The following HTR3B variants were observed in gnomAD, a reference collection of about 807,000 sequenced individuals.
HTR3B encodes the protein 5-hydroxytryptamine receptor 3B.
Under a neutral mutation model 42.8 loss-of-function variants are expected in HTR3B, and 44 were observed. That is an observed-to-expected ratio of 1.03 (90% CI 0.81 to 1.32). The LOEUF is 1.32. Among genes scored for constraint, HTR3B ranks in the 40% most tolerant of loss-of-function variants. The pLI, the probability that HTR3B is intolerant of heterozygous loss-of-function variation, is 0.00. For synonymous variants in HTR3B, 203 were observed against 209.0 expected (o/e 0.97, Z 0.25); for missense variants, 527 against 536.5 (o/e 0.98, Z 0.17).
intron 6 of HTR3B, among the ~76,000 whole-genome samples, chr11:113,934,623 T>C (rs1950072553): frequency 1.3e-5 from 2 of 152,138 alleles, no homozygotes; most frequent in Admixed American, 6.5e-5. Flanking sequence ...TGCTGGCTAG[T>C]ATAATCGCAA....
Position 113,909,456 on chromosome 11 carries a change from G to A in HTR3B, c.213+1G>A. ...GTTCGTCCATGCTATATTGGATGTG[G>A]TAAGGACCATCTTGCCCCTTCCTAT... On this transcript the variant is annotated splice_donor_variant, in intron 2 of 8. Transcript: ENST00000260191. LOFTEE classifies it high-confidence loss of function. The A allele has an allele frequency of 1.9e-6, 3 of 1,613,088 alleles. No homozygotes were observed. The highest frequency in any genetic ancestry group is 1.7e-6 in the Non-Finnish European group (2 of 1,179,418).
intron 2 of HTR3B, among the ~76,000 whole-genome samples, chr11:113,913,589 A>T (rs1373125124): frequency 6.6e-6 from 1 of 151,772 alleles, no homozygotes; most frequent in African/African-American, 2.4e-5. Flanking sequence ...ATCTCGGCTC[A>T]CTGTAACCTC....
In HTR3B at chr11:113,943,082, A is replaced by T. The variant is rs1950149320; in HGVS notation, c.797A>T (p.Asn266Ile). Residue 266 changes from asparagine (N) to isoleucine (I), a missense_variant, in exon 7 of 9, where the codon AAC becomes ATC. Coordinates refer to ENST00000260191, the MANE Select transcript of HTR3B (RefSeq NM_006028.5). ...CTGGGGAGCTTCTACCTGCCACCCA[A>T]CTGCCGAGCCAGGATTGTGTTCAAG... is the stretch of plus-strand genomic sequence containing the variant. Reference protein sequence around the residue: ...VDLGSFYLPPNCRARIVFKTS... With the variant: ...VDLGSFYLPPICRARIVFKTS... 6.2e-7 allele frequency: 1 copy of T among 1,613,946 alleles called. No homozygotes were observed. Among genetic ancestry groups the T allele is most frequent in the Admixed American group, 1.7e-5 (1 of 59,982 alleles).
chr11:113,934,984 A>G (rs1950077387), intron 6 of HTR3B, among the ~76,000 whole-genome samples: 1 of 152,120 alleles, frequency 6.6e-6, no homozygotes, highest in Non-Finnish European at 1.5e-5. Context: ...AGACAAACAC[A>G]GGAAAGAGAT....
intron 1 of HTR3B, among the ~76,000 whole-genome samples, chr11:113,905,371 T>G (rs1412797709): frequency 6.6e-6 from 1 of 152,210 alleles, no homozygotes; most frequent in East Asian, 1.9e-4. Context: ...CAAAATAGTC[T>G]TGGCTTCATT....
intron 2 of HTR3B, among the ~76,000 whole-genome samples, chr11:113,927,299 G>T (rs894551479): frequency 4.0e-5 from 6 of 151,886 alleles, no homozygotes; most frequent in African/African-American, 1.5e-4. Context: ...TACTACTGAG[G>T]TTAAACATTT....
intron 6 of HTR3B, among the ~76,000 whole-genome samples, chr11:113,940,123 G>A (rs1384022965): frequency 1.3e-5 from 2 of 152,126 alleles, no homozygotes; most frequent in Non-Finnish European, 1.5e-5. Flanking sequence ...CTGACCTCAA[G>A]TGATCCACCC....
At chr11:113,905,788 T>G (rs1363899745) in intron 1 of HTR3B, among the ~76,000 whole-genome samples, 1 of 152,198 alleles carries the variant, frequency 6.6e-6, no homozygotes, top group Non-Finnish European at 1.5e-5. Flanking sequence ...AGGATGTAAC[T>G]GGAAGTGGAA....
intron 6 of HTR3B, among the ~76,000 whole-genome samples, chr11:113,938,051 T>G (rs577792414): frequency 6.6e-6 from 1 of 152,050 alleles, no homozygotes; most frequent in Non-Finnish European, 1.5e-5. Context: ...GCCTCCATCT[T>G]CACATGGCCT....
intron 6 of HTR3B, among the ~76,000 whole-genome samples, chr11:113,936,607 T>C (rs530958584): frequency 6.6e-6 from 1 of 152,228 alleles, no homozygotes; most frequent in South Asian, 2.1e-4. Flanking sequence ...TCTGGGTCAC[T>C]CAAGTGATGT....
chr11:113,909,267 A>G (rs777493512), intron 1 of HTR3B, 28 bp from the exon 2 acceptor site: 3 of 1,595,416 alleles, frequency 1.9e-6, no homozygotes, highest in Admixed American at 1.7e-5. Flanking sequence ...TCTTACTTTT[A>G]TCTTCACAAT....
At chr11:113,940,692 C>G (rs1007748847) in intron 6 of HTR3B, among the ~76,000 whole-genome samples, 7 of 152,210 alleles carry the variant, frequency 4.6e-5, no homozygotes, top group Non-Finnish European at 8.8e-5. Flanking sequence ...TCCACAGAGT[C>G]GGGATGTGCT....
intron 2 of HTR3B, among the ~76,000 whole-genome samples, chr11:113,930,771 G>A (rs1007753853): frequency 3.9e-5 from 6 of 152,090 alleles, no homozygotes; most frequent in South Asian, 2.1e-4. Context: ...TCACAGGGAC[G>A]AACCACTGTG....
In HTR3B at chr11:113,948,081, T is replaced by C. The variant is rs1421519392; in HGVS notation, c.*1944T>C. The stretch of plus-strand genomic sequence containing the variant: ...GTTAGTGCTCAGCGCCAATTGTCCA[T>C]GAAATTCCACTGCTGCTGTTAATGA... On this transcript the variant is annotated 3_prime_UTR_variant, in exon 9 of 9. Transcript: ENST00000260191. 1.3e-5 allele frequency among the ~76,000 whole-genome samples: 2 copies of C among 152,128 alleles called. No individual in the cohort carries two copies. The highest frequency in any genetic ancestry group is 2.9e-5 in the Non-Finnish European group (2 of 68,018).
At chr11:113,917,443 A>AT (rs1409952192) in intron 2 of HTR3B, among the ~76,000 whole-genome samples, 6 of 151,420 alleles carry the variant, frequency 4.0e-5, no homozygotes, top group African/African-American at 9.7e-5. Flanking sequence ...GAAATCTTCT[A>AT]TTTTTTTTCT....
intron 2 of HTR3B, among the ~76,000 whole-genome samples, chr11:113,925,812 T>C (rs1949965000): frequency 1.3e-5 from 2 of 152,230 alleles, no homozygotes; most frequent in South Asian, 2.1e-4. Context: ...ACTGGAAATG[T>C]CTTAAAAAAC....
At position 113,948,192 on chromosome 11, in the gene HTR3B, TG is replaced by T. The variant is rs1481714444; in HGVS notation, c.*2057del. On this transcript the variant is annotated 3_prime_UTR_variant, in exon 9 of 9. Transcript: ENST00000260191. ...TTCCTCACTTCCTACTTTCTACTGCTGGCCTCCTCTGCTTTGACGTGCTCAG... is the reference window on the plus strand; with the variant it reads ...TTCCTCACTTCCTACTTTCTACTGCTGCCTCCTCTGCTTTGACGTGCTCAG... Among the ~76,000 whole-genome samples, 2 of 152,230 alleles carry T rather than the reference TG, an allele frequency of 1.3e-5. No homozygotes were observed. Among genetic ancestry groups the T allele is most frequent in the African/African-American group, 4.8e-5 (2 of 41,444 alleles).
intron 6 of HTR3B, among the ~76,000 whole-genome samples, chr11:113,933,672 C>A (rs953269392): frequency 6.6e-6 from 1 of 152,110 alleles, no homozygotes; most frequent in Non-Finnish European, 1.5e-5. Context: ...TCCGATGCAG[C>A]CCTTGGCTGC....
Position 113,946,187 on chromosome 11 carries a change from G to T in HTR3B, c.*50G>T, listed in dbSNP as rs754562900. The stretch of plus-strand genomic sequence containing the variant: ...GTGCTGGCACTTAGGAGAGAGAGGA[G>T]GGGGAATAATAGTGGGTTAAAAAGC... On this transcript the variant is annotated 3_prime_UTR_variant, in exon 9 of 9. Coordinates refer to ENST00000260191, the MANE Select transcript of HTR3B (RefSeq NM_006028.5). 4 of 1,443,092 alleles carry T rather than the reference G, an allele frequency of 2.8e-6. No homozygotes were observed. The African/African-American group carries it at 5.6e-5, about 20-fold the overall frequency. 89.4% of individuals were successfully genotyped at this position (1,443,092 alleles called of 1,614,324 possible). A position where few individuals can be genotyped will look rare whatever the true frequency, so the allele number is the denominator to read the frequency against.
Sources: gnomAD v4.1 joint callset for allele counts (sites outside exome capture counted in the v4.1 genomes callset) on GRCh38, gnomAD v4.1.1 for gene constraint, MANE v1.5 for transcripts, NCBI Gene and HGNC (gene_info 2026-07-23, HGNC 2026-07-21) for gene names.